Variants in AKAP3 observed in about 807,000 individuals in gnomAD.
AKAP3 encodes the protein A-kinase anchoring protein 3, also known as A-kinase anchor protein 3.
Under a neutral mutation model 57.2 loss-of-function variants are expected in AKAP3, and 27 were observed. That is an observed-to-expected ratio of 0.47 (90% CI 0.35 to 0.65). The LOEUF (loss-of-function observed/expected upper bound fraction) is 0.65. Ranked by LOEUF, AKAP3 falls within the 30% of genes least tolerant of loss-of-function variation. The pLI is 0.01. For synonymous variants in AKAP3, 334 were observed against 392.3 expected (o/e 0.85, Z 1.76); for missense variants, 959 against 1,040.0 (o/e 0.92, Z 1.07).
chr12:4,633,899 G>C (rs1488664344), intron 4 of AKAP3, among the ~76,000 whole-genome samples: 1 of 151,018 alleles, frequency 6.6e-6, no homozygotes, highest in Non-Finnish European at 1.5e-5. Context: ...AAATACATTT[G>C]ACAAATAATC....
rs950119604 is a variant in AKAP3, at chr12:4,641,886, T to G, written c.-1+13A>C. ...TTATGTACAAAAAGTACAGAAATTA[T>G]GTGATCACTTACTCTTACAGAGGAT... On this transcript the variant is annotated intron_variant, in intron 3 of 5. Coordinates refer to ENST00000228850, the MANE Select transcript of AKAP3 (RefSeq NM_001278309.2). The G allele has an allele frequency of 1.3e-5, 2 of 152,224 alleles. No homozygotes were observed. Among genetic ancestry groups the G allele is most frequent in the Non-Finnish European group, 2.9e-5 (2 of 68,026 alleles). The allele number at this position is 152,224 out of a possible 1,614,324, so 9.4% of individuals were successfully genotyped here.
chr12:4,617,128 C>A (rs1391874871), intron 5 of AKAP3, among the ~76,000 whole-genome samples: 2 of 152,124 alleles, frequency 1.3e-5, no homozygotes, highest in Non-Finnish European at 2.9e-5. Flanking sequence ...AGTCAAATGA[C>A]AGCCAATTTC....
intron 5 of AKAP3, among the ~76,000 whole-genome samples, chr12:4,623,526 G>C (rs150557374): frequency 6.6e-6 from 1 of 152,224 alleles, no homozygotes; most frequent in African/African-American, 2.4e-5. Context: ...GAAATGCAGC[G>C]TGTTATCAGA....
chr12:4,645,800 C>G (rs1236401262), intron 1 of AKAP3: 5 of 152,080 alleles, frequency 3.3e-5, no homozygotes, highest in African/African-American at 1.2e-4. Flanking sequence ...GGGACCTCTG[C>G]TTTAGAGTGT....
rs764891177 is a variant in AKAP3, at chr12:4,626,449, G to A, written c.2406+47C>T. 6.3e-6 allele frequency: 10 copies of A among 1,575,372 alleles called. No individual in the cohort carries two copies. The South Asian group carries it at 1.1e-4, about 17-fold the overall frequency. On this transcript the variant is annotated intron_variant, in intron 5 of 5. Coordinates refer to ENST00000228850, the MANE Select transcript of AKAP3 (RefSeq NM_001278309.2). ...AAAGAAACCAGAACTTAAAGCCCTA[G>A]TTAAATCTTAATAAAGCTTCCAAAT...
At chr12:4,626,419 T>C (rs1422929778) in intron 5 of AKAP3, 77 bp downstream of exon 5, 1 of 1,492,634 alleles carries the variant, frequency 6.7e-7, no homozygotes, top group South Asian at 1.3e-5. Flanking sequence ...TATCTTCCCA[T>C]TCAGAAAGAA....
At chr12:4,642,443 G>A (rs996450604) in intron 2 of AKAP3, among the ~76,000 whole-genome samples, 3 of 152,138 alleles carry the variant, frequency 2.0e-5, no homozygotes, top group Admixed American at 6.5e-5. Flanking sequence ...AAGTTATAAA[G>A]GGAGTTCATA....
At chr12:4,638,364 C>T (rs1049967265) in intron 3 of AKAP3, among the ~76,000 whole-genome samples, 168 bp from the exon 4 acceptor site, 5 of 152,192 alleles carry the variant, frequency 3.3e-5, no homozygotes, top group African/African-American at 1.2e-4. Context: ...TAGCTTCATC[C>T]TCAGCTCTCA....
At chr12:4,638,068 TAA>T in intron 4 of AKAP3, 31 bp downstream of exon 4, 1 of 1,513,432 alleles carries the variant, frequency 6.6e-7, no homozygotes, top group East Asian at 2.3e-5. Flanking sequence ...CCCATATTCT[TAA>T]CCTAGTGTTT....
rs1310354221 is a variant in AKAP3, at chr12:4,636,143, C to CT, written c.96+1957dup. 30 of 809,970 alleles carry CT rather than the reference C, an allele frequency of 3.7e-5. No individual in the cohort carries two copies. The Admixed American group carries it at 5.7e-4, about 15-fold the overall frequency. The allele number at this position is 809,970 out of a possible 1,614,324, so 50.2% of individuals were successfully genotyped here. A position where few individuals can be genotyped will look rare whatever the true frequency, so the allele number is the denominator to read the frequency against. On this transcript the variant is annotated intron_variant, in intron 4 of 5. Transcript: ENST00000228850. ...CCAGTATTTGAGCCATAGGGTCTTG[C>CT]TTGCGCCTCGATTAGCCATGTTCAC...
intron 5 of AKAP3, among the ~76,000 whole-genome samples, chr12:4,624,833 A>AGTGTGTGTGTGTGTGT (rs1241851083): frequency 1.1e-4 from 1 of 8,876 alleles, no homozygotes; most frequent in Non-Finnish European, 4.2e-4. Context: ...TGTATATAAA[A>AGTGTGTGTGTGTGTGT]GTGGGGGACT....
chr12:4,645,626 C>T (rs985626415), intron 1 of AKAP3: 1 of 152,128 alleles, frequency 6.6e-6, no homozygotes, highest in South Asian at 2.1e-4. Flanking sequence ...GAGTGCACAA[C>T]GTACACTTTC....
At chr12:4,633,959 A>G (rs1387740506) in intron 4 of AKAP3, among the ~76,000 whole-genome samples, 2 of 141,634 alleles carry the variant, frequency 1.4e-5, no homozygotes, top group East Asian at 4.4e-4. Context: ...TTCAAGTGAC[A>G]TATCTATATT....
At chr12:4,648,343 G>A (rs1374553649) in intron 1 of AKAP3, 1 of 152,248 alleles carries the variant, frequency 6.6e-6, no homozygotes, top group Non-Finnish European at 1.5e-5. Flanking sequence ...ATTTCCCGAA[G>A]CCCACTCATG....
At chr12:4,632,928 C>T (rs561979473) in intron 4 of AKAP3, among the ~76,000 whole-genome samples, 52 of 152,254 alleles carry the variant, frequency 3.4e-4, no homozygotes, top group Non-Finnish European at 5.7e-4. Flanking sequence ...GCGTGAGCCA[C>T]CATGCCCGGC....
At chr12:4,630,243 G>A (rs138604020) in intron 4 of AKAP3, among the ~76,000 whole-genome samples, 1 of 152,284 alleles carries the variant, frequency 6.6e-6, no homozygotes, top group East Asian at 1.9e-4. Flanking sequence ...TGTGCTAAAT[G>A]CTTTATAGGC....
intron 2 of AKAP3, among the ~76,000 whole-genome samples, chr12:4,644,214 C>T (rs1945671098): frequency 6.6e-6 from 1 of 152,128 alleles, no homozygotes; most frequent in East Asian, 1.9e-4. Flanking sequence ...TTCTTCTAGT[C>T]CCTGTTAGTA....
At chr12:4,624,001 T>C (rs1221693507) in intron 5 of AKAP3, among the ~76,000 whole-genome samples, 2 of 152,108 alleles carry the variant, frequency 1.3e-5, no homozygotes, top group Non-Finnish European at 2.9e-5. Context: ...ATGTATCAAA[T>C]TACACAAATA....
chr12:4,637,518 C>T (rs61911367), intron 4 of AKAP3, among the ~76,000 whole-genome samples: 3,466 of 152,178 alleles, frequency 0.023, 47 homozygotes, highest in Non-Finnish European at 0.027. Context: ...CTCTTTTATG[C>T]CTTTTAGTAG....
Sources: gnomAD v4.1 joint callset for allele counts (sites outside exome capture counted in the v4.1 genomes callset) on GRCh38, gnomAD v4.1.1 for gene constraint, MANE v1.5 for transcripts, NCBI Gene and HGNC (gene_info 2026-07-23, HGNC 2026-07-21) for gene names.